Variants in RALGAPA1 observed in about 807,000 individuals in gnomAD.
The protein encoded by RALGAPA1 is ral GTPase-activating protein subunit alpha-1.
A neutral mutation model predicts 269.6 loss-of-function variants in RALGAPA1; 52 were observed. That is an observed-to-expected ratio of 0.19 (90% CI 0.15 to 0.24). The LOEUF is 0.24. Among genes scored for constraint, RALGAPA1 ranks in the 10% least tolerant of loss-of-function variants. The pLI, the probability that RALGAPA1 is intolerant of heterozygous loss-of-function variation, is 1.00. For synonymous variants in RALGAPA1, 817 were observed against 1,008.3 expected (o/e 0.81, Z 3.60); for missense variants, 1,917 against 3,013.9 (o/e 0.64, Z 8.52).
intron 7 of RALGAPA1, 41 bp from the exon 8 acceptor site, chr14:35,752,203 G>GAA: frequency 6.9e-7 from 1 of 1,454,594 alleles, no homozygotes; most frequent in Non-Finnish European, 9.1e-7. Flanking sequence ...CCAGAAGAAA[G>GAA]AATCTCTTAA....
intron 16 of RALGAPA1, among the ~76,000 whole-genome samples, chr14:35,710,657 C>T (rs1002608541): frequency 6.6e-6 from 1 of 152,130 alleles, no homozygotes; most frequent in East Asian, 1.9e-4. Context: ...GTTTCGGTCA[C>T]CAACAGACCG....
intron 37 of RALGAPA1, among the ~76,000 whole-genome samples, chr14:35,580,110 T>G (rs372904933): frequency 1.3e-5 from 2 of 152,214 alleles, no homozygotes; most frequent in Non-Finnish European, 2.9e-5. Flanking sequence ...ATTACACTAA[T>G]AGTATTTCAG....
At chr14:35,757,450 C>T (rs140412019) in intron 6 of RALGAPA1, among the ~76,000 whole-genome samples, 27 of 152,148 alleles carry the variant, frequency 1.8e-4, no homozygotes, top group African/African-American at 6.3e-4. Context: ...GTTCTGTGAA[C>T]CCTTGATTGA....
intron 16 of RALGAPA1, among the ~76,000 whole-genome samples, chr14:35,711,178 T>C (rs576387240): frequency 9.2e-5 from 14 of 152,354 alleles, no homozygotes; most frequent in African/African-American, 3.1e-4. Flanking sequence ...CTTTATCTGT[T>C]GAGACAGTCT....
At chr14:35,724,422 A>G (rs182412513) in intron 14 of RALGAPA1, among the ~76,000 whole-genome samples, 1 of 152,124 alleles carries the variant, frequency 6.6e-6, no homozygotes, top group Non-Finnish European at 1.5e-5. Context: ...TCTTAAAAAA[A>G]TTTTTTGTTT....
intron 1 of RALGAPA1, among the ~76,000 whole-genome samples, chr14:35,802,916 G>A (rs1179911411): frequency 6.6e-6 from 1 of 151,930 alleles, no homozygotes; most frequent in Non-Finnish European, 1.5e-5. Flanking sequence ...TCAAACTCCT[G>A]GGCTCAAGCA....
chr14:35,726,756 C>T (rs2069951998), intron 13 of RALGAPA1, among the ~76,000 whole-genome samples: 1 of 152,008 alleles, frequency 6.6e-6, no homozygotes, highest in Non-Finnish European at 1.5e-5. Flanking sequence ...TCTGGCTCAT[C>T]AATGATTCAA....
At chr14:35,753,544 G>A (rs919382478) in intron 7 of RALGAPA1, among the ~76,000 whole-genome samples, 3 of 152,130 alleles carry the variant, frequency 2.0e-5, no homozygotes, top group African/African-American at 4.8e-5. Flanking sequence ...CTACAACATG[G>A]ATACACCTTG....
chr14:35,786,820 T>C (rs1173682382), intron 1 of RALGAPA1, among the ~76,000 whole-genome samples: 1 of 152,224 alleles, frequency 6.6e-6, no homozygotes. Context: ...GCTCTTATCC[T>C]AACTGCTTTT....
At chr14:35,566,746 C>T (rs1267388502) in intron 39 of RALGAPA1, among the ~76,000 whole-genome samples, 1 of 151,384 alleles carries the variant, frequency 6.6e-6, no homozygotes, top group Non-Finnish European at 1.5e-5. Context: ...ACCTGTATTT[C>T]AATATCTTAA....
At chr14:35,714,084 G>T (rs1260008786) in intron 16 of RALGAPA1, among the ~76,000 whole-genome samples, 1 of 146,704 alleles carries the variant, frequency 6.8e-6, no homozygotes, top group Admixed American at 6.8e-5. Flanking sequence ...GACAGAGCAA[G>T]ACTCCGTCTA....
At chr14:35,547,344 C>A (rs889839150) in intron 41 of RALGAPA1, among the ~76,000 whole-genome samples, 8 of 152,028 alleles carry the variant, frequency 5.3e-5, no homozygotes, top group African/African-American at 1.9e-4. Flanking sequence ...TCCACAATAC[C>A]TGGCCAAATG....
rs534094616 is a variant in RALGAPA1, at chr14:35,543,503, A to C, written c.*24-3813T>G. On this transcript the variant is annotated intron_variant, in intron 41 of 41. Coordinates refer to ENST00000680220, the MANE Select transcript of RALGAPA1 (RefSeq NM_001346249.2). Reference sequence around the variant, plus strand: ...TATCCTCTCTTATGTTGATAGTCCTATAAAATATAACCTTATATTAAAGGT... The same window carrying C: ...TATCCTCTCTTATGTTGATAGTCCTCTAAAATATAACCTTATATTAAAGGT... Among the ~76,000 whole-genome samples the C allele has an allele frequency of 3.3e-5, 5 of 152,368 alleles. No individual in the cohort carries two copies. The South Asian group carries it at 1.0e-3, about 32-fold the overall frequency.
At chr14:35,696,212 A>C (rs10130202) in intron 17 of RALGAPA1, among the ~76,000 whole-genome samples, 1 of 151,820 alleles carries the variant, frequency 6.6e-6, no homozygotes, top group East Asian at 1.9e-4. Context: ...GGGCAACTTT[A>C]TGTTCAGAAT....
intron 32 of RALGAPA1, 21 bp from the exon 33 acceptor site, chr14:35,634,778 A>G (rs774693376): frequency 1.3e-6 from 2 of 1,544,886 alleles, no homozygotes; most frequent in Non-Finnish European, 1.7e-6. Context: ...AGGGGGAAAC[A>G]CCCAGTTTTA....
intron 1 of RALGAPA1, among the ~76,000 whole-genome samples, chr14:35,801,894 G>A (rs980826918): frequency 6.6e-6 from 1 of 152,206 alleles, no homozygotes; most frequent in Non-Finnish European, 1.5e-5. Context: ...CACATTGGAG[G>A]TTCTAGTCAC....
chr14:35,727,976 C>T (rs1185757122), intron 13 of RALGAPA1, among the ~76,000 whole-genome samples: 2 of 152,206 alleles, frequency 1.3e-5, no homozygotes, highest in Admixed American at 6.5e-5. Context: ...TGACGGTATA[C>T]AGCTCTGAAT....
chr14:35,794,647 C>T (rs529006998), intron 1 of RALGAPA1, among the ~76,000 whole-genome samples: 79 of 152,030 alleles, frequency 5.2e-4, no homozygotes, highest in Non-Finnish European at 1.0e-3. Context: ...TTAGTAGAGA[C>T]GGGGTTTCAC....
At chr14:35,718,892 T>G (rs903152478) in intron 16 of RALGAPA1, among the ~76,000 whole-genome samples, 102 of 151,616 alleles carry the variant, frequency 6.7e-4, no homozygotes, top group African/African-American at 2.3e-3. Context: ...CAGGCTGAAG[T>G]GCAGTGGTGT....
Sources: allele counts gnomAD v4.1 joint callset (sites outside exome capture counted in the v4.1 genomes callset), GRCh38; gene constraint gnomAD v4.1.1; transcripts MANE v1.5; gene names NCBI Gene and HGNC (gene_info 2026-07-23, HGNC 2026-07-21).